Variants in SKAP1 observed in about 807,000 individuals in gnomAD.
SKAP1 encodes src kinase-associated phosphoprotein 1.
Under a neutral mutation model 58.5 loss-of-function variants are expected in SKAP1, and 44 were observed. The observed-to-expected ratio is 0.75, with a 90% CI of 0.59 to 0.97. The LOEUF is 0.97. Among genes scored for constraint, SKAP1 ranks in the 50% least tolerant of loss-of-function variants. The probability of loss-of-function intolerance (pLI) is 0.00; values close to 1 mark genes in which losing one functional copy is unlikely to be tolerated. For synonymous variants in SKAP1, 127 were observed against 149.7 expected, an observed-to-expected ratio of 0.85 and a Z score of 1.11; for missense variants, 390 against 435.2, an observed-to-expected ratio of 0.90 and a Z score of 0.92.
intron 11 of SKAP1, among the ~76,000 whole-genome samples, chr17:48,147,935 G>A (rs1282716793): frequency 1.4e-5 from 2 of 145,938 alleles, no homozygotes; most frequent in South Asian, 2.2e-4. Context: ...TGAGAAGGGG[G>A]ACATGGGAAG....
intron 4 of SKAP1, chr17:48,308,273 A>G (rs1424942430): frequency 2.6e-5 from 4 of 152,242 alleles, no homozygotes; most frequent in Non-Finnish European, 5.9e-5. Context: ...AGAGTAAAAT[A>G]AGAAAAATAA....
intron 2 of SKAP1, among the ~76,000 whole-genome samples, chr17:48,370,207 A>T (rs940274468): frequency 3.3e-5 from 5 of 152,228 alleles, no homozygotes; most frequent in African/African-American, 9.6e-5. Flanking sequence ...TTAAGAGAAG[A>T]CACACAAGTG....
chr17:48,370,619 C>G (rs541837840), intron 2 of SKAP1, among the ~76,000 whole-genome samples: 1 of 152,074 alleles, frequency 6.6e-6, no homozygotes, highest in African/African-American at 2.4e-5. Flanking sequence ...ATTAAGAAGT[C>G]AAGAAACAAC....
At chr17:48,210,169 C>T (rs369290597) in intron 4 of SKAP1, among the ~76,000 whole-genome samples, 2 of 152,102 alleles carry the variant, frequency 1.3e-5, no homozygotes, top group African/African-American at 2.4e-5. Context: ...CAGGTAGCGA[C>T]GCTTATCCAT....
At chr17:48,300,838 T>TGGAGCAGTAAA (rs2066047315) in intron 4 of SKAP1, among the ~76,000 whole-genome samples, 1 of 152,222 alleles carries the variant, frequency 6.6e-6, no homozygotes, top group Non-Finnish European at 1.5e-5. Flanking sequence ...CATGGCTTTT[T>TGGAGCAGTAAA]ACTCTTAGTA....
At chr17:48,182,592 T>C in intron 7 of SKAP1, 135 bp from the exon 8 acceptor site, 2 of 630,832 alleles carry the variant, frequency 3.2e-6, no homozygotes, top group Middle Eastern at 2.9e-4. Flanking sequence ...CTGCTTAACA[T>C]ATAGAAAAAA....
chr17:48,241,742 T>G lies in SKAP1; in HGVS notation c.281-52242A>C, dbSNP rs1205269018. 3.3e-5 allele frequency among the ~76,000 whole-genome samples: 5 copies of G among 152,212 alleles called. No individual in the cohort carries two copies. The East Asian group carries it at 9.6e-4, about 29-fold the overall frequency. On this transcript the variant is annotated intron_variant, in intron 4 of 12. Coordinates refer to ENST00000336915, the MANE Select transcript of SKAP1 (RefSeq NM_003726.4). Reference sequence around the variant, plus strand: ...TCTAATAGTAGAAATGATACATGATTGATAAAGTGATTCTAAATATACTTA... The same window carrying G: ...TCTAATAGTAGAAATGATACATGATGGATAAAGTGATTCTAAATATACTTA...
At position 48,338,660 on chromosome 17, in the gene SKAP1, T is replaced by C. The variant is rs17623154; in HGVS notation, c.280+7245A>G. Among the ~76,000 whole-genome samples, 12 of 152,084 alleles carry C rather than the reference T, an allele frequency of 7.9e-5. No homozygotes were observed. In the East Asian group the frequency reaches 2.3e-3, roughly 29 times the overall value. On this transcript the variant is annotated intron_variant, in intron 4 of 12. Coordinates refer to ENST00000336915, the MANE Select transcript of SKAP1 (RefSeq NM_003726.4). ...ACACATGTGAGAGCACTTTACTGGGTACTGGATGAAAAGTTAGAGTTTAAA... is the reference window on the plus strand; with the variant it reads ...ACACATGTGAGAGCACTTTACTGGGCACTGGATGAAAAGTTAGAGTTTAAA...
At chr17:48,376,911 G>A (rs1051191097) in intron 2 of SKAP1, among the ~76,000 whole-genome samples, 17 of 152,170 alleles carry the variant, frequency 1.1e-4, no homozygotes, top group African/African-American at 3.9e-4. Flanking sequence ...GAGGATTCGA[G>A]ATCAGAGAGA....
chr17:48,263,380 T>C (rs1389899432), intron 4 of SKAP1, among the ~76,000 whole-genome samples: 7 of 152,244 alleles, frequency 4.6e-5, no homozygotes, highest in African/African-American at 1.7e-4. Context: ...CCTTAAAATA[T>C]GTGCCTGTAG....
At chr17:48,296,945 T>A (rs2065984614) in intron 4 of SKAP1, among the ~76,000 whole-genome samples, 4 of 152,144 alleles carry the variant, frequency 2.6e-5, no homozygotes, top group Admixed American at 2.6e-4. Context: ...TAGACTGTCC[T>A]GAAAATGACC....
At chr17:48,198,900 A>G (rs2064684941) in intron 4 of SKAP1, among the ~76,000 whole-genome samples, 1 of 152,226 alleles carries the variant, frequency 6.6e-6, no homozygotes, top group Non-Finnish European at 1.5e-5. Flanking sequence ...AAATTAAGGC[A>G]GAAATCCTTC....
intron 4 of SKAP1, among the ~76,000 whole-genome samples, chr17:48,263,337 C>T (rs917056596): frequency 1.3e-5 from 2 of 152,220 alleles, no homozygotes; most frequent in African/African-American, 2.4e-5. Context: ...CCATTCCCAT[C>T]TGTTCCATAT....
chr17:48,192,981 GAAAC>G (rs1247309092), intron 4 of SKAP1, among the ~76,000 whole-genome samples: 1 of 152,138 alleles, frequency 6.6e-6, no homozygotes, highest in Non-Finnish European at 1.5e-5. Context: ...AATAGAGCTG[GAAAC>G]AGCTTTTTAT....
At chr17:48,261,107 C>G (rs146102258) in intron 4 of SKAP1, among the ~76,000 whole-genome samples, 1 of 152,114 alleles carries the variant, frequency 6.6e-6, no homozygotes, top group South Asian at 2.1e-4. Context: ...TGGATCTGAA[C>G]GACCCCTAAG....
At chr17:48,313,549 A>T (rs2144188935) in intron 4 of SKAP1, among the ~76,000 whole-genome samples, 1 of 152,280 alleles carries the variant, frequency 6.6e-6, no homozygotes, top group Non-Finnish European at 1.5e-5. Context: ...CTTCCAATGC[A>T]TTATGCACTA....
At chr17:48,442,297 G>A in the SKAP1 span, among the ~76,000 whole-genome samples, 3 of 152,118 alleles carry the variant, frequency 2.0e-5, no homozygotes, top group African/African-American at 7.2e-5. Context: ...CAACACAGTT[G>A]GTTATTTCTG....
At chr17:48,295,163 C>G (rs1369122676) in intron 4 of SKAP1, among the ~76,000 whole-genome samples, 1 of 152,124 alleles carries the variant, frequency 6.6e-6, no homozygotes, top group African/African-American at 2.4e-5. Flanking sequence ...CTATGTTTTG[C>G]ACGAAGCAAC....
At chr17:48,314,724 TC>T in intron 4 of SKAP1, among the ~76,000 whole-genome samples, 1 of 152,192 alleles carries the variant, frequency 6.6e-6, no homozygotes, top group Middle Eastern at 3.4e-3. Flanking sequence ...TCTGCTATGT[TC>T]CATCACTTAG....
Sources: allele counts gnomAD v4.1 joint callset (sites outside exome capture counted in the v4.1 genomes callset), GRCh38; gene constraint gnomAD v4.1.1; transcripts MANE v1.5; gene names NCBI Gene and HGNC (gene_info 2026-07-23, HGNC 2026-07-21).